The following FRMD6 variants were observed in gnomAD, a reference collection of about 807,000 sequenced individuals.
FRMD6 encodes the protein FERM domain containing 6, also known as FERM domain-containing protein 6.
FRMD6 carries 37 observed loss-of-function variants against 73.2 expected under a neutral mutation model. That is an observed-to-expected ratio of 0.51 (90% CI 0.39 to 0.66). FRMD6 has a LOEUF of 0.66. Ranked by LOEUF, FRMD6 falls within the 30% of genes least tolerant of loss-of-function variation. The pLI is 0.00. For synonymous variants in FRMD6, 273 were observed against 282.2 expected, an observed-to-expected ratio of 0.97 and a Z score of 0.33; for missense variants, 714 against 780.5, an observed-to-expected ratio of 0.91 and a Z score of 1.02.
intron 10 of FRMD6, chr14:51,717,418 AC>A (rs1288207590): frequency 2.6e-5 from 4 of 152,238 alleles, no homozygotes; most frequent in African/African-American, 9.6e-5. Context: ...AATGGCACTA[AC>A]CCATTCATGA....
intron 1 of FRMD6, among the ~76,000 whole-genome samples, chr14:51,525,737 T>C (rs537539217): frequency 6.6e-6 from 1 of 152,318 alleles, no homozygotes; most frequent in South Asian, 2.1e-4. Flanking sequence ...TTTCAACTCA[T>C]CTTCCATTTC....
At chr14:51,600,123 C>A (rs569314510) in intron 2 of FRMD6, among the ~76,000 whole-genome samples, 1 of 152,072 alleles carries the variant, frequency 6.6e-6, no homozygotes, top group African/African-American at 2.4e-5. Context: ...AGCACTCTCA[C>A]TTTTTCTCCA....
the FRMD6 span, among the ~76,000 whole-genome samples, chr14:51,442,639 G>T: frequency 6.6e-6 from 1 of 152,178 alleles, no homozygotes; most frequent in Non-Finnish European, 1.5e-5. Context: ...CCTCAGGGCA[G>T]AAACTATGCC....
chr14:51,505,756 T>C (rs1170321315), intron 1 of FRMD6, among the ~76,000 whole-genome samples: 1 of 152,200 alleles, frequency 6.6e-6, no homozygotes, highest in Non-Finnish European at 1.5e-5. Flanking sequence ...CAAGCCTTTT[T>C]GAATGTCCCC....
chr14:51,555,400 A>G (rs1207677510), intron 1 of FRMD6, among the ~76,000 whole-genome samples: 1 of 152,140 alleles, frequency 6.6e-6, no homozygotes, highest in Admixed American at 6.5e-5. Flanking sequence ...GGTACCTTTG[A>G]TTTTCACAAT....
chr14:51,618,145 T>G (rs974648644), intron 2 of FRMD6, among the ~76,000 whole-genome samples: 4 of 152,188 alleles, frequency 2.6e-5, no homozygotes, highest in African/African-American at 9.7e-5. Context: ...TAACAATTAC[T>G]TTCTCTGGGT....
At chr14:51,600,219 A>T (rs1029246046) in intron 2 of FRMD6, among the ~76,000 whole-genome samples, 11 of 152,186 alleles carry the variant, frequency 7.2e-5, no homozygotes, top group African/African-American at 2.7e-4. Context: ...ACTTGAACAC[A>T]GACACAGAAA....
chr14:51,710,720 A>G (rs977917874), intron 7 of FRMD6, among the ~76,000 whole-genome samples: 4 of 152,210 alleles, frequency 2.6e-5, no homozygotes, highest in Admixed American at 6.5e-5. Context: ...TTTATTGGGA[A>G]ATCTCATAAT....
At chr14:51,650,487 C>G (rs1892296841), upstream of FRMD6, 1 of 149,542 alleles carries the variant, frequency 6.7e-6, no homozygotes, top group South Asian at 2.1e-4. Flanking sequence ...GCTCCGCCTC[C>G]CGGGTTCACG....
At chr14:51,560,821 G>A (rs368328802) in intron 1 of FRMD6, among the ~76,000 whole-genome samples, 1 of 151,952 alleles carries the variant, frequency 6.6e-6, no homozygotes, top group East Asian at 1.9e-4. Flanking sequence ...TCCTCTCAAA[G>A]GTGCCCTTCC....
chr14:51,607,190 C>T (rs940773494), intron 2 of FRMD6, among the ~76,000 whole-genome samples: 1 of 152,086 alleles, frequency 6.6e-6, no homozygotes, highest in Admixed American at 6.5e-5. Flanking sequence ...CAAGTTGACA[C>T]CTAACACTGG....
chr14:51,599,943 G>A (rs971074142), intron 2 of FRMD6: 2 of 149,818 alleles, frequency 1.3e-5, no homozygotes, highest in Non-Finnish European at 3.0e-5. Flanking sequence ...AGGAGTCCTG[G>A]CCTCTATTTC....
chr14:51,550,581 C>CCT lies in FRMD6; in HGVS notation c.-209-19766_-209-19765insTC, dbSNP rs1555374771. On this transcript the variant is annotated intron_variant, in intron 1 of 14. Transcript: ENST00000356218. ...CATCAGAGGGCAGCTTGGGAGGAGA[C>CCT]CCCCCCGCCATGCTTATAGCTTGAA... 2.6e-4 allele frequency among the ~76,000 whole-genome samples: 3 copies of CCT among 11,536 alleles called. No individual in the cohort carries two copies. In the South Asian group the frequency reaches 0.019, roughly 74 times the overall value. The allele number at this position is 11,536 out of a possible 152,430, so 7.6% of individuals were successfully genotyped here.
At chr14:51,501,414 T>A (rs1047472919) in intron 1 of FRMD6, among the ~76,000 whole-genome samples, 2 of 152,080 alleles carry the variant, frequency 1.3e-5, no homozygotes, top group Admixed American at 1.3e-4. Flanking sequence ...TTCCCCACCA[T>A]GTGCCCATGC....
At chr14:51,532,326 A>G (rs544226364) in intron 1 of FRMD6, among the ~76,000 whole-genome samples, 11 of 149,978 alleles carry the variant, frequency 7.3e-5, no homozygotes, top group South Asian at 6.4e-4. Flanking sequence ...CTGAGATAGC[A>G]CCACTGCACT....
At chr14:51,665,519 G>A (rs553470262) in intron 1 of FRMD6, among the ~76,000 whole-genome samples, 1 of 152,014 alleles carries the variant, frequency 6.6e-6, no homozygotes, top group South Asian at 2.1e-4. Flanking sequence ...TTCTCCTTCC[G>A]CTGCGTCCGA....
intron 2 of FRMD6, among the ~76,000 whole-genome samples, chr14:51,634,215 A>G (rs1891455655): frequency 6.6e-6 from 1 of 152,228 alleles, no homozygotes; most frequent in African/African-American, 2.4e-5. Flanking sequence ...TACAATAAGT[A>G]GTACTCTTAT....
rs147974106 is a variant in FRMD6, at chr14:51,589,238, G to A, written c.-147+18828G>A. Among the ~76,000 whole-genome samples, 34 of 152,190 alleles carry A rather than the reference G, an allele frequency of 2.2e-4. No individual in the cohort carries two copies. The East Asian group carries it at 6.6e-3, about 29-fold the overall frequency. ...CAGATGGGAAAACCAGAGGATAAGTGACTATAGAAGGTCCTAGAGAGTATT... is the reference window on the plus strand; with the variant it reads ...CAGATGGGAAAACCAGAGGATAAGTAACTATAGAAGGTCCTAGAGAGTATT... On this transcript the variant is annotated intron_variant, in intron 2 of 14. Coordinates refer to the FRMD6 transcript ENST00000356218.
chr14:51,663,881 A>G (rs1893396518), intron 1 of FRMD6, among the ~76,000 whole-genome samples: 1 of 152,246 alleles, frequency 6.6e-6, no homozygotes, highest in Non-Finnish European at 1.5e-5. Flanking sequence ...GACAGAAAGC[A>G]CAAGGGGCTG....
Sources: allele counts gnomAD v4.1 joint callset (sites outside exome capture counted in the v4.1 genomes callset), GRCh38; gene constraint gnomAD v4.1.1; transcripts MANE v1.5; gene names NCBI Gene and HGNC (gene_info 2026-07-23, HGNC 2026-07-21).